SNRNP70: variants seen among roughly 807,000 people sequenced by gnomAD.
The protein encoded by SNRNP70 is U1 small nuclear ribonucleoprotein 70 kDa.
In SNRNP70, 8 loss-of-function variants were observed where a neutral mutation model predicts 50.5. That is an observed-to-expected ratio of 0.16 (90% CI 0.09 to 0.29). SNRNP70 has a LOEUF of 0.29. Ranked by LOEUF, SNRNP70 falls within the 10% of genes least tolerant of loss-of-function variation. SNRNP70 has a pLI of 1.00. For missense variants in SNRNP70, 529 were observed against 663.5 expected (o/e 0.80, Z 2.23); for synonymous variants, 320 against 252.9 (o/e 1.27, Z -2.52).
chr19:49,085,667 G>T (rs994509398), intron 1 of SNRNP70, 31 bp downstream of exon 1: 3 of 455,430 alleles, frequency 6.6e-6, no homozygotes, highest in Non-Finnish European at 1.3e-5. Flanking sequence ...GGCCCGACGG[G>T]GTGCGGGGCC....
rs1475143774 is a variant in SNRNP70 at position 49,104,500 on chromosome 19, C to G, written c.476-134C>G. 2.9e-6 allele frequency: 2 copies of G among 697,208 alleles called. No homozygotes were observed. The highest frequency in any genetic ancestry group is 3.5e-5 in the African/African-American group (2 of 56,418). 43.2% of individuals were successfully genotyped at this position (697,208 alleles called of 1,614,324 possible). A position where few individuals can be genotyped will look rare whatever the true frequency, so the allele number is the denominator to read the frequency against. The stretch of plus-strand genomic sequence containing the variant: ...GAGGGTTGGTCTGGCTGTCAGTTGC[C>G]TGGCTGTCTGTTGGGCGTGTGCGTG... On this transcript the variant is annotated intron_variant, in intron 7 of 9. Transcript: ENST00000598441. This position sits in a 1 kb window ranked among gnomAD's most constrained non-coding sequence, Gnocchi z 5.4.
chr19:49,108,289 G>T lies in SNRNP70; in HGVS notation c.1160G>T (p.Arg387Leu). ...EHKRGERGSE[R>L]GRDEARGGGG... Reference sequence around the variant, plus strand: ...AAACGGGGGGAGCGGGGCAGTGAGCGGGGCAGGGATGAGGCCCGAGGTGGG... The same window carrying T: ...AAACGGGGGGAGCGGGGCAGTGAGCTGGGCAGGGATGAGGCCCGAGGTGGG... The change falls in exon 10 of 10, where the codon CGG (arginine) becomes CTG (leucine). Residue 387 changes from arginine to leucine, a missense_variant. Arg to Leu is a moderately radical substitution (Grantham distance 102). This residue lies in a region of SNRNP70 where 327 missense variants were observed against 308.8 expected (regional missense o/e 1.06). Transcript: ENST00000598441. 6.4e-7 allele frequency: 1 copy of T among 1,571,780 alleles called. No homozygotes were observed. The highest frequency in any genetic ancestry group is 8.6e-7 in the Non-Finnish European group (1 of 1,159,636).
rs1227386048 is a variant in SNRNP70, at chr19:49,108,233, GGATCGT to G, written c.1107_1112del (p.Asp375_Arg376del). On this transcript the variant is annotated inframe_deletion, in exon 10 of 10. Transcript: ENST00000598441. ...GCGAGCGCGAGCGGCGCCGGGACCGGGATCGTGACCGTGACCGTGACCGCGAGCACA... is the reference window on the plus strand; with the variant it reads ...GCGAGCGCGAGCGGCGCCGGGACCGGGACCGTGACCGTGACCGCGAGCACA... The G allele has an allele frequency of 1.3e-6, 2 of 1,539,944 alleles. No individual in the cohort carries two copies. Among genetic ancestry groups the G allele is most frequent in the Non-Finnish European group, 1.8e-6 (2 of 1,142,300 alleles).
rs1479017976 is a variant in SNRNP70 at position 49,104,499 on chromosome 19, C to G, written c.476-135C>G. ...AGAGGGTTGGTCTGGCTGTCAGTTG[C>G]CTGGCTGTCTGTTGGGCGTGTGCGT... On this transcript the variant is annotated intron_variant, in intron 7 of 9. Coordinates refer to ENST00000598441, the MANE Select transcript of SNRNP70 (RefSeq NM_003089.6). This position sits in a 1 kb window ranked among gnomAD's most constrained non-coding sequence, Gnocchi z 5.4. 1 of 693,558 alleles carries G rather than the reference C, an allele frequency of 1.4e-6. No homozygotes were observed. The highest frequency in any genetic ancestry group is 2.6e-6 in the Non-Finnish European group (1 of 391,242). 43.0% of individuals were successfully genotyped at this position (693,558 alleles called of 1,614,324 possible).
Position 49,086,447 on chromosome 19 carries a change from C to T in SNRNP70, c.33C>T (p.Ala11=), listed in dbSNP as rs748373636. The change falls in exon 2 of 10, where the codon GCC becomes GCT. Residue 11 remains alanine, a synonymous_variant. Coordinates refer to ENST00000598441, the MANE Select transcript of SNRNP70 (RefSeq NM_003089.6). MTQFLPPNLL[A]LFAPRDPIPY... Reference sequence around the variant, plus strand: ...AGTTCCTGCCGCCCAACCTTCTGGCCCTCTTTGCCCCCCGTGACCCTATTC... The same window carrying T: ...AGTTCCTGCCGCCCAACCTTCTGGCTCTCTTTGCCCCCCGTGACCCTATTC... The T allele has an allele frequency of 3.3e-5, 53 of 1,613,932 alleles. No homozygotes were observed. The South Asian group carries it at 5.3e-4, about 16-fold the overall frequency.
chr19:49,094,485 C>A (rs1257281174), intron 4 of SNRNP70, among the ~76,000 whole-genome samples: 1 of 152,082 alleles, frequency 6.6e-6, no homozygotes, highest in Middle Eastern at 3.2e-3. Context: ...GGTGACAGAG[C>A]AAGACTCCGT....
chr19:49,102,392 G>A (rs1335121730), intron 7 of SNRNP70: 2 of 297,336 alleles, frequency 6.7e-6, no homozygotes, highest in African/African-American at 2.2e-5. Context: ...AGGAGGGGAA[G>A]GATGAACCTG....
intron 4 of SNRNP70, among the ~76,000 whole-genome samples, chr19:49,092,581 G>A (rs749051571): frequency 1.4e-4 from 22 of 151,732 alleles, no homozygotes; most frequent in Non-Finnish European, 2.9e-4. Flanking sequence ...GGTAATTTTT[G>A]TAATTTTAGT....
rs545072448 is a variant in SNRNP70 at position 49,104,188 on chromosome 19, G to A, written c.476-446G>A. On this transcript the variant is annotated intron_variant, in intron 7 of 9. Coordinates refer to ENST00000598441, the MANE Select transcript of SNRNP70 (RefSeq NM_003089.6). This position sits in a 1 kb window ranked among gnomAD's most constrained non-coding sequence, Gnocchi z 5.4. Reference sequence around the variant, plus strand: ...ACCGGTGTGGTCTGGGGTGCGGAGCGTCCCAGCTGGGCCTCCTGCCCCGGC... The same window carrying A: ...ACCGGTGTGGTCTGGGGTGCGGAGCATCCCAGCTGGGCCTCCTGCCCCGGC... 9.9e-4 allele frequency: 158 copies of A among 158,998 alleles called. 1 individual carries two copies. The highest frequency in any genetic ancestry group is 3.7e-4 in the East Asian group (2 of 5,344). 9.8% of individuals were successfully genotyped at this position (158,998 alleles called of 1,614,324 possible).
intron 4 of SNRNP70, among the ~76,000 whole-genome samples, chr19:49,093,239 A>C (rs1455273071): frequency 6.6e-6 from 1 of 151,604 alleles, no homozygotes; most frequent in African/African-American, 2.4e-5. Flanking sequence ...ACAGGCATGC[A>C]CCACCATGCC....
In SNRNP70 at chr19:49,091,146, G is replaced by A. The variant is rs112176325; in HGVS notation, c.265+626G>A. 1.3e-3 allele frequency among the ~76,000 whole-genome samples: 204 copies of A among 152,142 alleles called. 3 individuals are homozygous for A. The highest frequency in any genetic ancestry group is 4.5e-3 in the African/African-American group (186 of 41,522). ...AGTACTTTGGGAGGCCGAGGCAGGC[G>A]GATCATGAGGTCAGGAGTTCGAGAC... On this transcript the variant is annotated intron_variant, in intron 4 of 9. Coordinates refer to ENST00000598441, the MANE Select transcript of SNRNP70 (RefSeq NM_003089.6).
chr19:49,107,527 C>A lies in SNRNP70; in HGVS notation c.578-98C>A. ...GGCCCTGTGAACACTAAGCCAGGGG[C>A]TGCCTTCCTGCCCTTTGCTCTTGGA... On this transcript the variant is annotated intron_variant, in intron 8 of 9. Transcript: ENST00000598441. The surrounding 1 kb of genome is among the most constrained non-coding windows in gnomAD (Gnocchi z 6.0). The A allele has an allele frequency of 8.6e-7, 1 of 1,158,466 alleles. No individual in the cohort carries two copies. Among genetic ancestry groups the A allele is most frequent in the Non-Finnish European group, 1.3e-6 (1 of 778,706 alleles). 71.8% of individuals were successfully genotyped at this position (1,158,466 alleles called of 1,614,324 possible).
At chr19:49,095,965 T>G (rs2040507429) in intron 4 of SNRNP70, among the ~76,000 whole-genome samples, 1 of 137,942 alleles carries the variant, frequency 7.2e-6, no homozygotes, top group Admixed American at 7.5e-5. Context: ...TGAATGAGAG[T>G]TAGCTGGTGC....
intron 4 of SNRNP70, among the ~76,000 whole-genome samples, chr19:49,091,766 C>A (rs540652475): frequency 3.3e-5 from 5 of 152,316 alleles, no homozygotes; most frequent in African/African-American, 9.6e-5. Flanking sequence ...TGGACATTGG[C>A]TGTCGGAACG....
chr19:49,086,395 C>A lies in SNRNP70; in HGVS notation c.-10-10C>A. 6.2e-7 allele frequency: 1 copy of A among 1,610,436 alleles called. No homozygotes were observed. The highest frequency in any genetic ancestry group is 8.5e-7 in the Non-Finnish European group (1 of 1,177,836). On this transcript the variant is annotated splice_polypyrimidine_tract_variant and intron_variant, in intron 1 of 9. Transcript: ENST00000598441. Reference sequence around the variant, plus strand: ...GATCTAACCTAAGGCTGTCCTGCTTCTGCTCTCAGACTTGGCAAGATGACC... The same window carrying A: ...GATCTAACCTAAGGCTGTCCTGCTTATGCTCTCAGACTTGGCAAGATGACC...
intron 8 of SNRNP70, among the ~76,000 whole-genome samples, chr19:49,105,143 T>C (rs554275937): frequency 4.6e-5 from 7 of 152,128 alleles, no homozygotes; most frequent in Admixed American, 3.9e-4. Context: ...TTGCTGTTGC[T>C]CTTGTTCACT....
intron 2 of SNRNP70, among the ~76,000 whole-genome samples, chr19:49,089,035 A>G (rs1015789900): frequency 6.6e-6 from 1 of 152,196 alleles, no homozygotes; most frequent in African/African-American, 2.4e-5. Context: ...TTTCCTAAAT[A>G]TGGAAGACAG....
At chr19:49,100,778 C>T (rs891393434) in intron 6 of SNRNP70, among the ~76,000 whole-genome samples, 4 of 146,398 alleles carry the variant, frequency 2.7e-5, no homozygotes, top group East Asian at 2.0e-4. Context: ...TGCACTCTAG[C>T]CTGGGCAACA....
intron 4 of SNRNP70, among the ~76,000 whole-genome samples, chr19:49,096,582 A>T (rs577731505): frequency 2.6e-5 from 4 of 151,470 alleles, no homozygotes; most frequent in African/African-American, 9.7e-5. Flanking sequence ...CCTGGCCAAC[A>T]TAGTGAAACC....
Sources: gnomAD v4.1 joint callset for allele counts (sites outside exome capture counted in the v4.1 genomes callset) on GRCh38, gnomAD v4.1.1 for gene constraint, gnomAD v4.1.1 regional missense constraint, Gnocchi (gnomAD v3.1) non-coding constraint, MANE v1.5 for transcripts, NCBI Gene and HGNC (gene_info 2026-07-23, HGNC 2026-07-21) for gene names.